The following EXPH5 variants were observed in gnomAD, a reference collection of about 807,000 sequenced individuals.
EXPH5 encodes the protein exophilin-5.
Under a neutral mutation model 41.1 loss-of-function variants are expected in EXPH5, and 42 were observed. The observed-to-expected ratio is 1.02, with a 90% confidence interval of 0.80 to 1.32. The LOEUF is 1.32. Among genes scored for constraint, EXPH5 ranks in the 40% most tolerant of loss-of-function variants. EXPH5 has a pLI of 0.00. For synonymous variants in EXPH5, 798 were observed against 833.5 expected (o/e 0.96, Z 0.73); for missense variants, 2,298 against 2,314.5 (o/e 0.99, Z 0.15).
the EXPH5 span, among the ~76,000 whole-genome samples, chr11:108,599,242 T>C: frequency 6.6e-6 from 1 of 152,036 alleles, no homozygotes; most frequent in Non-Finnish European, 1.5e-5. Context: ...ATGTTTTAAA[T>C]TGAAAATGTA....
intron 4 of EXPH5, among the ~76,000 whole-genome samples, chr11:108,523,133 C>T (rs1394195639): frequency 6.7e-6 from 1 of 148,332 alleles, no homozygotes; most frequent in African/African-American, 2.4e-5. Flanking sequence ...ACCTTGGCAT[C>T]CTAAAGTGCT....
At chr11:108,584,350 C>G (rs2094107317) in intron 1 of EXPH5, among the ~76,000 whole-genome samples, 1 of 152,028 alleles carries the variant, frequency 6.6e-6, no homozygotes, top group South Asian at 2.1e-4. Context: ...TGGCGTCACA[C>G]AGCTGTAATC....
At chr11:108,538,681 G>T (rs941849032) in intron 3 of EXPH5, among the ~76,000 whole-genome samples, 3 of 152,224 alleles carry the variant, frequency 2.0e-5, no homozygotes, top group South Asian at 2.1e-4. Flanking sequence ...CAAAGAAGGA[G>T]TAGTTTTTAT....
chr11:108,603,082 A>C, the EXPH5 span, among the ~76,000 whole-genome samples: 492 of 152,268 alleles, frequency 3.2e-3, 4 homozygotes, highest in Admixed American at 0.011. Flanking sequence ...CACCATGTGA[A>C]AAAGACCTCT....
intron 1 of EXPH5, among the ~76,000 whole-genome samples, chr11:108,553,439 G>A (rs1240503772): frequency 6.6e-6 from 1 of 152,144 alleles, no homozygotes; most frequent in Admixed American, 6.5e-5. Context: ...CAGACTTAGG[G>A]TTTAAGTGTC....
upstream of EXPH5, chr11:108,593,872 T>TC (rs1393100696): frequency 2.8e-6 from 2 of 710,986 alleles, no homozygotes; most frequent in African/African-American, 3.6e-5. Context: ...CCTCGTCCCC[T>TC]CCCTCGTCCC....
chr11:108,587,941 TGGGG>T (rs1432862593), intron 1 of EXPH5, among the ~76,000 whole-genome samples: 104 of 152,186 alleles, frequency 6.8e-4, no homozygotes, highest in Middle Eastern at 3.4e-3. Flanking sequence ...TTAGTAGAGA[TGGGG>T]TTTCACCGTG....
chr11:108,579,198 G>C (rs1312668964), intron 1 of EXPH5, among the ~76,000 whole-genome samples: 1 of 113,362 alleles, frequency 8.8e-6, no homozygotes, highest in Non-Finnish European at 1.9e-5. Context: ...AGTTTGTTGA[G>C]AGTTTTTTTT....
chr11:108,538,751 C>T (rs937065755), intron 3 of EXPH5, among the ~76,000 whole-genome samples: 2 of 152,152 alleles, frequency 1.3e-5, no homozygotes, highest in African/African-American at 4.8e-5. Context: ...GAAAAACTGG[C>T]AATCATTATT....
In EXPH5 at chr11:108,506,598, T is replaced by TA. The variant is rs1303118357; in HGVS notation, c.*2938dup. On this transcript the variant is annotated 3_prime_UTR_variant, in exon 6 of 6. Transcript: ENST00000265843. ...GAAATATAATTTGAAAGCTGATCATTAAAAAAATCAAGAACCTCAATATTA... is the reference window on the plus strand; with the variant it reads ...GAAATATAATTTGAAAGCTGATCATTAAAAAAAATCAAGAACCTCAATATTA... 1 of 152,144 alleles carries TA rather than the reference T, an allele frequency of 6.6e-6. No individual in the cohort carries two copies. Among genetic ancestry groups the TA allele is most frequent in the Admixed American group, 6.6e-5 (1 of 15,264 alleles). The allele number at this position is 152,144 out of a possible 1,614,324, so 9.4% of individuals were successfully genotyped here.
chr11:108,552,547 T>C (rs763748211), intron 1 of EXPH5, among the ~76,000 whole-genome samples: 1 of 152,104 alleles, frequency 6.6e-6, no homozygotes, highest in Admixed American at 6.6e-5. Context: ...AGCTGGATAA[T>C]AAAGCCCACT....
chr11:108,565,981 A>G (rs1162259645), intron 1 of EXPH5, among the ~76,000 whole-genome samples: 2 of 152,252 alleles, frequency 1.3e-5, no homozygotes, highest in African/African-American at 4.8e-5. Flanking sequence ...GTGAGGAAAA[A>G]AAATCCAATT....
chr11:108,600,037 T>C, the EXPH5 span, among the ~76,000 whole-genome samples: 3 of 152,218 alleles, frequency 2.0e-5, no homozygotes, highest in Non-Finnish European at 4.4e-5. Context: ...TAACTTGGAA[T>C]CTACAAGTAA....
intron 1 of EXPH5, among the ~76,000 whole-genome samples, chr11:108,573,123 A>AGAAGGAAG (rs1463342255): frequency 7.2e-6 from 1 of 139,514 alleles, no homozygotes; most frequent in East Asian, 2.1e-4. Flanking sequence ...GAAAAAGAAA[A>AGAAGGAAG]GAAGGAAGGA....
intron 1 of EXPH5, among the ~76,000 whole-genome samples, chr11:108,543,444 G>T (rs1000319577): frequency 1.3e-5 from 2 of 152,194 alleles, no homozygotes; most frequent in Non-Finnish European, 2.9e-5. Context: ...TGATGACAAG[G>T]CTTACAGTGT....
chr11:108,514,575 A>T lies in EXPH5; in HGVS notation c.932T>A (p.Val311Glu), dbSNP rs1162445221. 1 of 1,614,090 alleles carries T rather than the reference A, an allele frequency of 6.2e-7. No homozygotes were observed. Among genetic ancestry groups the T allele is most frequent in the Non-Finnish European group, 8.5e-7 (1 of 1,179,970 alleles). ...REPRVFKEDY[V>E]QKNTFGSTSL... Reference sequence around the variant, plus strand: ...AGTACTGCCAAAAGTATTCTTTTGCACATAATCTTCTTTAAAGACTCTGGG... The same window carrying T: ...AGTACTGCCAAAAGTATTCTTTTGCTCATAATCTTCTTTAAAGACTCTGGG... Residue 311 changes from valine (V) to glutamate (E), a missense_variant, in exon 6 of 6, where the codon GTG (valine) becomes GAG (glutamate). Val to Glu is a moderately radical substitution (Grantham distance 121). Transcript: ENST00000265843.
chr11:108,552,983 G>C (rs1184066813), intron 1 of EXPH5, among the ~76,000 whole-genome samples: 3 of 152,086 alleles, frequency 2.0e-5, no homozygotes, highest in African/African-American at 4.8e-5. Context: ...ATTACTTGAG[G>C]ACAGGAGTTT....
In EXPH5 at chr11:108,510,105, T is replaced by C. The variant is rs756203272; in HGVS notation, c.5402A>G (p.Asn1801Ser). The change falls in exon 6 of 6, where the codon AAT becomes AGT. Residue 1801 changes from asparagine to serine, a missense_variant. Physicochemically the swap from Asn to Ser is conservative, Grantham distance 46. Transcript: ENST00000265843. ...TTTTCGTAGTAGATCGCCATGAACATTAATGCTTTTTAAACTCTTTGAACG... is the reference window on the plus strand; with the variant it reads ...TTTTCGTAGTAGATCGCCATGAACACTAATGCTTTTTAAACTCTTTGAACG... ...LYRSKSLKSINVHGDLLRKSH... is the reference protein window; with the variant it reads ...LYRSKSLKSISVHGDLLRKSH... The C allele has an allele frequency of 6.2e-7, 1 of 1,613,588 alleles. No individual in the cohort carries two copies. Among genetic ancestry groups the C allele is most frequent in the Non-Finnish European group, 8.5e-7 (1 of 1,179,912 alleles).
At chr11:108,583,270 T>C (rs1199450715) in intron 1 of EXPH5, among the ~76,000 whole-genome samples, 1 of 150,116 alleles carries the variant, frequency 6.7e-6, no homozygotes, top group Non-Finnish European at 1.5e-5. Flanking sequence ...TAGTCCCAAG[T>C]ATTCGGGAGG....
Sources: gnomAD v4.1 joint callset for allele counts (sites outside exome capture counted in the v4.1 genomes callset) on GRCh38, gnomAD v4.1.1 for gene constraint, MANE v1.5 for transcripts, NCBI Gene and HGNC (gene_info 2026-07-23, HGNC 2026-07-21) for gene names.